The following FAM135B variants were observed in gnomAD, a reference collection of about 807,000 sequenced individuals.
The protein encoded by FAM135B is family with sequence similarity 135 member B.
A neutral mutation model predicts 127.7 loss-of-function variants in FAM135B; 43 were observed. That is an observed-to-expected ratio of 0.34 (90% CI 0.26 to 0.43). FAM135B has a LOEUF of 0.43. Ranked by LOEUF, FAM135B falls within the 20% of genes least tolerant of loss-of-function variation. The probability of loss-of-function intolerance (pLI) is 1.00; values close to 1 mark genes in which losing one functional copy is unlikely to be tolerated. For missense variants in FAM135B, 1,558 were observed against 1,725.6 expected (o/e 0.90, Z 1.72); for synonymous variants, 670 against 665.1 (o/e 1.01, Z -0.11).
At chr8:138,238,173 TGAAGCTCTTGGAG>T (rs1820449104) in intron 7 of FAM135B, among the ~76,000 whole-genome samples, 2 of 152,190 alleles carry the variant, frequency 1.3e-5, no homozygotes. Flanking sequence ...AAGGCTGCAT[TGAAGCTCTTGGAG>T]GAAGATTTGA....
rs151220125 is a variant in FAM135B, at chr8:138,237,043, C to T, written c.669+5899G>A. Among the ~76,000 whole-genome samples the T allele has an allele frequency of 1.3e-4, 20 of 152,212 alleles. No homozygotes were observed. In the East Asian group the frequency reaches 3.7e-3, roughly 28 times the overall value. ...TCTTCCCACCAGGCTGCCATTCCTC[C>T]GTCGGATGACGGAACAGCCCTCCTT... is the stretch of plus-strand genomic sequence containing the variant. On this transcript the variant is annotated intron_variant, in intron 7 of 19. Transcript: ENST00000395297.
intron 12 of FAM135B, among the ~76,000 whole-genome samples, chr8:138,158,722 C>T (rs889516897): frequency 6.6e-6 from 1 of 152,242 alleles, no homozygotes; most frequent in East Asian, 1.9e-4. Flanking sequence ...CAGAGAAATG[C>T]AAATCAAAAC....
In FAM135B at chr8:138,138,990, T is replaced by C; in HGVS notation, c.3897A>G (p.Lys1299=). ...RKCFLYQLSQ[K]TGLQYFKNVV... ...GCTGTGGGGGAAACCACTGACCTGT[T>C]TTTTGGCTTAGTTGGTAGAGGAAAC... is the stretch of plus-strand genomic sequence containing the variant. Residue 1299 remains lysine, a synonymous_variant, in exon 18 of 20, where the codon AAA becomes AAG. Coordinates refer to ENST00000395297, the MANE Select transcript of FAM135B (RefSeq NM_015912.4). 2 of 1,607,866 alleles carry C rather than the reference T, an allele frequency of 1.2e-6. 1 individual carries two copies. The highest frequency in any genetic ancestry group is 2.2e-5 in the South Asian group (2 of 90,954).
chr8:138,242,955 G>A lies in FAM135B; in HGVS notation c.656C>T (p.Pro219Leu), dbSNP rs200971969. The change falls in exon 7 of 20, where the codon CCG (proline) becomes CTG (leucine). Residue 219 changes from proline (P) to leucine (L), a missense_variant. By Grantham distance (98) the Pro-to-Leu change is moderately conservative. Transcript: ENST00000395297. This position sits in a 1 kb window ranked among gnomAD's most constrained non-coding sequence, Gnocchi z 9.6. Reference protein sequence around the residue: ...NLVFGAGYCKPTSSEGSFYIT... With the variant: ...NLVFGAGYCKLTSSEGSFYIT... ...CACAGGCCTTACCTCTGAGGAAGTC[G>A]GCTTGCAGTACCCAGCTCCAAAGAC... 159 of 1,613,394 alleles carry A rather than the reference G, an allele frequency of 9.9e-5. No individual in the cohort carries two copies. The highest frequency in any genetic ancestry group is 1.3e-4 in the Non-Finnish European group (150 of 1,179,738).
chr8:138,189,285 CCCCTTCCCACTGAGAG>C, intron 9 of FAM135B, among the ~76,000 whole-genome samples: 1 of 152,328 alleles, frequency 6.6e-6, no homozygotes, highest in South Asian at 2.1e-4. Context: ...CTTTCCAGCT[CCCCTTCCCACTGAGAG>C]CCACTTTCAT....
intron 1 of FAM135B, among the ~76,000 whole-genome samples, chr8:138,483,224 C>T (rs1004964831): frequency 2.0e-5 from 3 of 152,158 alleles, no homozygotes; most frequent in Admixed American, 6.5e-5. Context: ...TTCTTTAATC[C>T]TAACAAAAAT....
intron 1 of FAM135B, among the ~76,000 whole-genome samples, chr8:138,385,803 T>A (rs112655885): frequency 6.6e-6 from 1 of 150,978 alleles, no homozygotes; most frequent in African/African-American, 2.4e-5. Context: ...CAGAGCGAGC[T>A]CAAAAAAACA....
At chr8:138,420,267 C>T (rs1160277200) in intron 1 of FAM135B, among the ~76,000 whole-genome samples, 1 of 151,846 alleles carries the variant, frequency 6.6e-6, no homozygotes, top group Non-Finnish European at 1.5e-5. Context: ...TGATAAAATT[C>T]CTGGAAACAT....
At chr8:138,418,215 C>A (rs1007157452) in intron 1 of FAM135B, among the ~76,000 whole-genome samples, 1 of 152,118 alleles carries the variant, frequency 6.6e-6, no homozygotes, top group African/African-American at 2.4e-5. Context: ...AGCTTGAATA[C>A]TGGTTCTTCA....
intron 3 of FAM135B, among the ~76,000 whole-genome samples, chr8:138,278,456 G>A (rs1446811225): frequency 1.3e-5 from 2 of 151,922 alleles, no homozygotes; most frequent in East Asian, 4.0e-4. Context: ...AACAGATGGG[G>A]CAGGATGACT....
At chr8:138,307,283 G>A (rs1434642092) in intron 3 of FAM135B, among the ~76,000 whole-genome samples, 2 of 152,206 alleles carry the variant, frequency 1.3e-5, no homozygotes, top group Non-Finnish European at 2.9e-5. Flanking sequence ...TGCCATCCAT[G>A]TAAGATGTGA....
intron 2 of FAM135B, among the ~76,000 whole-genome samples, chr8:138,328,734 C>T (rs1350796246): frequency 3.3e-5 from 5 of 152,168 alleles, no homozygotes; most frequent in African/African-American, 1.2e-4. Context: ...TTTGAGTCAT[C>T]ACCTCCCAGC....
At position 138,226,178 on chromosome 8, in the gene FAM135B, T is replaced by C. The variant is rs1032007391; in HGVS notation, c.669+16764A>G. Reference sequence around the variant, plus strand: ...GTGTGTGTGTGTGTGTGTGTGTGTGTGTGTGTGCGCGCATGTCATTTTTTT... The same window carrying C: ...GTGTGTGTGTGTGTGTGTGTGTGTGCGTGTGTGCGCGCATGTCATTTTTTT... On this transcript the variant is annotated intron_variant, in intron 7 of 19. Transcript: ENST00000395297. 1.2e-4 allele frequency among the ~76,000 whole-genome samples: 15 copies of C among 128,080 alleles called. No homozygotes were observed. In the East Asian group the frequency reaches 1.3e-3, roughly 11 times the overall value. The allele number at this position is 128,080 out of a possible 152,430, so 84.0% of individuals were successfully genotyped here.
intron 2 of FAM135B, among the ~76,000 whole-genome samples, chr8:138,339,182 T>C (rs952545223): frequency 7.9e-5 from 12 of 151,950 alleles, no homozygotes; most frequent in East Asian, 3.9e-4. Flanking sequence ...ATGGGTGCAG[T>C]ACACCAACAT....
chr8:138,260,574 G>A (rs562165088), intron 4 of FAM135B, among the ~76,000 whole-genome samples: 2 of 152,174 alleles, frequency 1.3e-5, no homozygotes, highest in South Asian at 4.2e-4. Flanking sequence ...CCATTTCATG[G>A]CCAAATCTTA....
In FAM135B at chr8:138,210,664, TC is replaced by T. The variant is rs555916179; in HGVS notation, c.670-12996del. ...ATGAGAACAGCATGGGAGAAATCCA[TC>T]CCCATGATCCAATCACTTCCCACCA... On this transcript the variant is annotated intron_variant, in intron 7 of 19. Transcript: ENST00000395297. 8.5e-5 allele frequency among the ~76,000 whole-genome samples: 13 copies of T among 152,156 alleles called. No homozygotes were observed. In the South Asian group the frequency reaches 2.1e-3, roughly 24 times the overall value.
chr8:138,411,318 C>A (rs1314041575), intron 1 of FAM135B, among the ~76,000 whole-genome samples: 1 of 151,970 alleles, frequency 6.6e-6, no homozygotes, highest in African/African-American at 2.4e-5. Context: ...CAGAACAGAG[C>A]CCTCAGAAAT....
rs191908723 is a variant in FAM135B, at chr8:138,176,803, C to G, written c.1103+544G>C. ...AGAGGACAAAACATATTGGAAGATT[C>G]TCTACTCCCACTCACCTGGGAATCT... On this transcript the variant is annotated intron_variant, in intron 11 of 19. Transcript: ENST00000395297. Among the ~76,000 whole-genome samples the G allele has an allele frequency of 5.0e-4, 76 of 152,292 alleles. 2 individuals carry two copies. In the East Asian group the frequency reaches 0.011, roughly 22 times the overall value.
At chr8:138,452,937 G>A (rs1315046287) in intron 1 of FAM135B, among the ~76,000 whole-genome samples, 1 of 152,172 alleles carries the variant, frequency 6.6e-6, no homozygotes, top group Non-Finnish European at 1.5e-5. Context: ...AGAAGAAGGA[G>A]GAAGCTACAA....
Sources: allele counts gnomAD v4.1 joint callset (sites outside exome capture counted in the v4.1 genomes callset), GRCh38; gene constraint gnomAD v4.1.1; non-coding constraint Gnocchi (gnomAD v3.1); transcripts MANE v1.5; gene names NCBI Gene and HGNC (gene_info 2026-07-23, HGNC 2026-07-21).